ITGB2: variants seen among roughly 807,000 people sequenced by gnomAD.
ITGB2 encodes integrin subunit beta 2.
Under a neutral mutation model 86.8 loss-of-function variants are expected in ITGB2, and 56 were observed. The ratio of observed to expected loss-of-function variants is 0.65; its 90% CI spans 0.52 to 0.81. The LOEUF is 0.81. Among genes scored for constraint, ITGB2 ranks in the 30% least tolerant of loss-of-function variants. The pLI is 0.00. For missense variants in ITGB2, 948 were observed against 1,061.2 expected (o/e 0.89, Z 1.48); for synonymous variants, 457 against 450.4 (o/e 1.01, Z -0.19).
At chr21:44,896,526 G>A (rs764827280) in intron 8 of ITGB2, among the ~76,000 whole-genome samples, 4 of 150,628 alleles carry the variant, frequency 2.7e-5, no homozygotes, top group Non-Finnish European at 5.9e-5. Context: ...ACCCTCCCAT[G>A]ACTGCCCTGC....
intron 4 of ITGB2, among the ~76,000 whole-genome samples, chr21:44,904,666 A>G (rs921832803): frequency 2.0e-5 from 3 of 151,630 alleles, no homozygotes; most frequent in African/African-American, 7.3e-5. Context: ...CCAAACACAC[A>G]CACATGCACT....
upstream of ITGB2, among the ~76,000 whole-genome samples, chr21:44,922,317 C>T (rs1025558133): frequency 1.6e-4 from 24 of 151,924 alleles, no homozygotes; most frequent in African/African-American, 5.8e-4. Context: ...GCTAACAATT[C>T]AAGAGTCTCC....
chr21:44,891,416 G>C (rs2083783807), intron 11 of ITGB2, among the ~76,000 whole-genome samples: 1 of 152,240 alleles, frequency 6.6e-6, no homozygotes, highest in South Asian at 2.1e-4. Context: ...CCAGCTCCTA[G>C]GGTCAAGGAA....
At chr21:44,895,194 C>T in intron 8 of ITGB2, 134 bp from the exon 9 acceptor site, 2 of 724,386 alleles carry the variant, frequency 2.8e-6, no homozygotes, top group South Asian at 2.9e-5. Context: ...TGCACTTGGT[C>T]CCCAGAGTGT....
rs201448757 is a variant in ITGB2, at chr21:44,888,684, C to A, written c.2080+9G>T. 9 of 1,605,758 alleles carry A rather than the reference C, an allele frequency of 5.6e-6. No homozygotes were observed. In the African/African-American group the frequency reaches 8.0e-5, roughly 14 times the overall value. ...GGAGCCGGTCCCCGCTGCACCCCAGCGGCCTCACCTCGGCTCTCATCCACA... is the reference window on the plus strand; with the variant it reads ...GGAGCCGGTCCCCGCTGCACCCCAGAGGCCTCACCTCGGCTCTCATCCACA... On this transcript the variant is annotated intron_variant, in intron 14 of 15. Transcript: ENST00000652462.
In ITGB2 at chr21:44,910,315, G is replaced by A. The variant is rs368899902; in HGVS notation, c.116C>T (p.Ser39Leu). 2.4e-5 allele frequency: 39 copies of A among 1,613,994 alleles called. No individual in the cohort carries two copies. Among genetic ancestry groups the A allele is most frequent in the East Asian group, 6.7e-5 (3 of 44,888 alleles). Residue 39 changes from serine to leucine, a missense_variant, in exon 3 of 16, where the codon TCG (serine) becomes TTG (leucine). Transcript: ENST00000652462. The stretch of plus-strand genomic sequence containing the variant: ...CTGGCACCAGGTGCAGCCGGGCCCC[G>A]ACTCGATGCATTCCCGGCAGCTGCT... ...KVSSCRECIE[S>L]GPGCTWCQKL...
intron 13 of ITGB2, 187 bp downstream of exon 13, chr21:44,889,089 G>A: frequency 1.4e-6 from 1 of 699,396 alleles, no homozygotes; most frequent in South Asian, 1.7e-5. Flanking sequence ...CCCGCGGCAG[G>A]TGCGCACAGG....
chr21:44,897,061 C>T lies in ITGB2; in HGVS notation c.994-2001G>A, dbSNP rs191884512. Among the ~76,000 whole-genome samples the T allele has an allele frequency of 2.5e-3, 377 of 152,268 alleles. 1 individual carries two copies. Among genetic ancestry groups the T allele is most frequent in the African/African-American group, 8.6e-3 (357 of 41,560 alleles). ...CCTGCCCTGCGCTGACCCACTGTCC[C>T]GGCAGCCTGACCAGCTCTGGGTGCC... On this transcript the variant is annotated intron_variant, in intron 8 of 15. Transcript: ENST00000652462.
At chr21:44,906,506 T>C (rs2084044780) in intron 4 of ITGB2, among the ~76,000 whole-genome samples, 1 of 152,190 alleles carries the variant, frequency 6.6e-6, no homozygotes, top group South Asian at 2.1e-4. Flanking sequence ...CAAGTCAGTT[T>C]GGGCAACACT....
At chr21:44,920,580 C>T (rs548311562) in intron 1 of ITGB2, among the ~76,000 whole-genome samples, 303 of 152,292 alleles carry the variant, frequency 2.0e-3, no homozygotes, top group Non-Finnish European at 3.3e-3. Flanking sequence ...CCTCCCATGC[C>T]GGCCCCATCC....
chr21:44,903,232 C>G (rs1458709858), intron 5 of ITGB2, 133 bp downstream of exon 5: 10 of 1,025,470 alleles, frequency 9.8e-6, no homozygotes, highest in African/African-American at 1.6e-5. Flanking sequence ...TGTGGATGCC[C>G]TGGGGGGACC....
At chr21:44,894,864 C>T (rs1184066019) in intron 9 of ITGB2, 107 bp downstream of exon 9, 2 of 839,490 alleles carry the variant, frequency 2.4e-6, no homozygotes, top group East Asian at 5.0e-5. Context: ...GGGGCAGGGG[C>T]TTTCCTCCCA....
Position 44,889,411 on chromosome 21 carries a change from C to T in ITGB2, c.1742G>A (p.Gly581Asp). 2 of 1,612,220 alleles carry T rather than the reference C, an allele frequency of 1.2e-6. No homozygotes were observed. Among genetic ancestry groups the T allele is most frequent in the Non-Finnish European group, 1.7e-6 (2 of 1,179,538 alleles). ...CTCAACACGCCGCGGGTTCAGGCAG[C>T]CCTCAGTGGTCCTCTCGCACTGGCA... Reference protein sequence around the residue: ...SACQCERTTEGCLNPRRVECS... With the variant: ...SACQCERTTEDCLNPRRVECS... Residue 581 changes from glycine to aspartate, a missense_variant, in exon 13 of 16, where the codon GGC (glycine) becomes GAC (aspartate). By Grantham distance (94) the Gly-to-Asp change is moderately conservative. Transcript: ENST00000652462.
chr21:44,904,589 T>C (rs374639578), intron 4 of ITGB2, among the ~76,000 whole-genome samples: 8 of 149,388 alleles, frequency 5.4e-5, no homozygotes, highest in African/African-American at 2.0e-4. Flanking sequence ...ACACATACTA[T>C]ATGTACTTGT....
At chr21:44,896,229 C>T (rs573654296) in intron 8 of ITGB2, among the ~76,000 whole-genome samples, 3 of 152,336 alleles carry the variant, frequency 2.0e-5, no homozygotes, top group South Asian at 4.1e-4. Context: ...CCAGAATTTC[C>T]ACCACACAGG....
At chr21:44,900,732 G>C (rs2083942844) in intron 6 of ITGB2, among the ~76,000 whole-genome samples, 3 of 152,212 alleles carry the variant, frequency 2.0e-5, no homozygotes, top group Admixed American at 2.0e-4. Context: ...GAGAGACACG[G>C]CTGCGGTCCC....
At chr21:44,911,107 C>T (rs879718269) in intron 1 of ITGB2, 14 of 469,700 alleles carry the variant, frequency 3.0e-5, no homozygotes, top group African/African-American at 1.4e-4. Context: ...TGCACGTGTA[C>T]GTGCATACAG....
chr21:44,915,885 G>A (rs1268852931), intron 1 of ITGB2, among the ~76,000 whole-genome samples: 2 of 152,138 alleles, frequency 1.3e-5, no homozygotes, highest in African/African-American at 4.8e-5. Flanking sequence ...TCCTACTGTT[G>A]GTTTGACTAT....
chr21:44,897,701 C>T (rs1031294861), intron 8 of ITGB2, among the ~76,000 whole-genome samples: 2 of 152,186 alleles, frequency 1.3e-5, no homozygotes, highest in Non-Finnish European at 1.5e-5. Flanking sequence ...CCCTGAAGAA[C>T]GGGGCACGTG....
Sources: allele counts gnomAD v4.1 joint callset (sites outside exome capture counted in the v4.1 genomes callset), GRCh38; gene constraint gnomAD v4.1.1; transcripts MANE v1.5; gene names NCBI Gene and HGNC (gene_info 2026-07-23, HGNC 2026-07-21).